The following TRIO variants were observed in gnomAD, a reference collection of about 807,000 sequenced individuals.
The protein encoded by TRIO is triple functional domain protein.
TRIO carries 58 observed loss-of-function variants against 351.9 expected under a neutral mutation model. That is an observed-to-expected ratio of 0.16 (90% confidence interval 0.13 to 0.21). The LOEUF (loss-of-function observed/expected upper bound fraction) is 0.21. TRIO is among the 10% of genes least tolerant of loss of function. The pLI is 1.00. For missense variants in TRIO, 3,201 were observed against 4,027.8 expected (o/e 0.79, Z 5.56); for synonymous variants, 1,758 against 1,595.7 (o/e 1.10, Z -2.42).
intron 1 of TRIO, among the ~76,000 whole-genome samples, chr5:14,241,132 T>C (rs1390660439): frequency 6.6e-6 from 1 of 152,234 alleles, no homozygotes; most frequent in East Asian, 1.9e-4. Flanking sequence ...ACTTTGTTTT[T>C]GGTGAAGACT....
intron 8 of TRIO, among the ~76,000 whole-genome samples, chr5:14,310,749 G>T (rs376058493): frequency 1.3e-5 from 2 of 152,212 alleles, no homozygotes; most frequent in African/African-American, 4.8e-5. Flanking sequence ...GCAGTGGTGC[G>T]ATTTAGGCTC....
intron 1 of TRIO, among the ~76,000 whole-genome samples, chr5:14,259,325 C>A (rs780753161): frequency 3.9e-5 from 6 of 152,022 alleles, no homozygotes; most frequent in Non-Finnish European, 5.9e-5. Context: ...TGAAAAAAAA[C>A]CAAAAACCCA....
intron 15 of TRIO, 77 bp downstream of exon 15, chr5:14,364,893 C>A: frequency 6.7e-7 from 1 of 1,496,362 alleles, no homozygotes. Flanking sequence ...GAAATTCTGA[C>A]CTGTAGCATT....
At chr5:14,184,950 A>G (rs1275871150) in intron 1 of TRIO, among the ~76,000 whole-genome samples, 4 of 152,154 alleles carry the variant, frequency 2.6e-5, no homozygotes, top group African/African-American at 9.7e-5. Flanking sequence ...TTGGAGCAGC[A>G]TACTTGGTGC....
intron 1 of TRIO, among the ~76,000 whole-genome samples, chr5:14,231,914 G>A (rs999317241): frequency 4.0e-5 from 6 of 150,730 alleles, no homozygotes; most frequent in South Asian, 2.1e-4. Flanking sequence ...ACAAATACTC[G>A]TTGGGAATCT....
At chr5:14,471,538 A>C in intron 38 of TRIO, 72 bp downstream of exon 38, 1 of 1,584,306 alleles carries the variant, frequency 6.3e-7, no homozygotes, top group Non-Finnish European at 8.6e-7. Flanking sequence ...CAAAAATGTG[A>C]CTGAGATTCA....
At chr5:14,187,412 AC>A (rs2152144636) in intron 1 of TRIO, among the ~76,000 whole-genome samples, 1 of 152,204 alleles carries the variant, frequency 6.6e-6, no homozygotes, top group East Asian at 1.9e-4. Flanking sequence ...TTTCTGTATT[AC>A]CGAGAAATTG....
chr5:14,459,606 G>A (rs1753617424), intron 34 of TRIO, among the ~76,000 whole-genome samples: 1 of 152,144 alleles, frequency 6.6e-6, no homozygotes, highest in Non-Finnish European at 1.5e-5. Context: ...TGGGTATGGT[G>A]GCAGTCGTCT....
chr5:14,491,775 T>G (rs933013217), intron 48 of TRIO, among the ~76,000 whole-genome samples: 2 of 151,606 alleles, frequency 1.3e-5, no homozygotes, highest in Non-Finnish European at 2.9e-5. Flanking sequence ...GGTATAAGGG[T>G]GGGGGTACGC....
rs1274445806 is a variant in TRIO, at chr5:14,368,731, G to A, written c.2898G>A (p.Gln966=). ...AIEKTHQSAL[Q]VQQKAEAMLQ... is the part of the protein sequence containing the mutation. Reference sequence around the variant, plus strand: ...AGAAAACACATCAGAGCGCGCTGCAGGTGCAGCAGAAGGCAGAAGCCATGC... The same window carrying A: ...AGAAAACACATCAGAGCGCGCTGCAAGTGCAGCAGAAGGCAGAAGCCATGC... Residue 966 remains glutamine, a synonymous_variant, in exon 17 of 57, where the codon CAG becomes CAA. Coordinates refer to ENST00000344204, the MANE Select transcript of TRIO (RefSeq NM_007118.4). The A allele has an allele frequency of 1.2e-5, 19 of 1,613,832 alleles. No homozygotes were observed. Among genetic ancestry groups the A allele is most frequent in the Non-Finnish European group, 1.6e-5 (19 of 1,179,892 alleles).
In TRIO at chr5:14,187,014, G is replaced by A. The variant is rs75638508; in HGVS notation, c.157+43132G>A. Among the ~76,000 whole-genome samples the A allele has an allele frequency of 5.3e-3, 808 of 152,220 alleles. 6 individuals are homozygous for A. The highest frequency in any genetic ancestry group is 0.018 in the African/African-American group (762 of 41,544). ...AGTAATATTTGTGCAAATTAGATAGGGCGTGAGGGCTTGGTAATACCAAGA... is the reference window on the plus strand; with the variant it reads ...AGTAATATTTGTGCAAATTAGATAGAGCGTGAGGGCTTGGTAATACCAAGA... On this transcript the variant is annotated intron_variant, in intron 1 of 56. Coordinates refer to ENST00000344204, the MANE Select transcript of TRIO (RefSeq NM_007118.4).
intron 1 of TRIO, among the ~76,000 whole-genome samples, chr5:14,267,304 C>T (rs751587384): frequency 3.3e-5 from 5 of 152,084 alleles, no homozygotes; most frequent in African/African-American, 7.2e-5. Context: ...ATGTTGCTGA[C>T]GCCTGGTCTT....
At chr5:14,394,187 A>C in intron 28 of TRIO, 57 bp downstream of exon 28, 1 of 1,109,208 alleles carries the variant, frequency 9.0e-7, no homozygotes, top group Non-Finnish European at 1.3e-6. Context: ...TTATTTTGAC[A>C]TTTACTATAT....
At chr5:14,380,346 G>A (rs1745982436) in intron 20 of TRIO, among the ~76,000 whole-genome samples, 3 of 148,636 alleles carry the variant, frequency 2.0e-5, no homozygotes, top group African/African-American at 7.5e-5. Context: ...TTCGCTCCTC[G>A]CTCCTCGCTC....
chr5:14,343,155 A>C (rs1308358323), intron 11 of TRIO, among the ~76,000 whole-genome samples: 1 of 151,364 alleles, frequency 6.6e-6, no homozygotes, highest in Non-Finnish European at 1.5e-5. Flanking sequence ...CAAGCCTCCC[A>C]CAGCGGTAGC....
At chr5:14,228,019 G>C (rs904327968) in intron 1 of TRIO, among the ~76,000 whole-genome samples, 1 of 152,022 alleles carries the variant, frequency 6.6e-6, no homozygotes, top group Non-Finnish European at 1.5e-5. Flanking sequence ...CTGAGCTTTT[G>C]GGGGGATTCA....
At position 14,406,645 on chromosome 5, in the gene TRIO, G is replaced by A. The variant is rs566749158; in HGVS notation, c.4932G>A (p.Thr1644=). ...QPDTISIASR[T]SQNTLDSDKL... ...ATACGATTTCCATCGCCTCACGGAC[G>A]TCTCAGAACACGCTGGACAGCGATA... Residue 1644 remains threonine, a synonymous_variant, in exon 33 of 57, where the codon ACG becomes ACA. Transcript: ENST00000344204. 31 of 1,614,036 alleles carry A rather than the reference G, an allele frequency of 1.9e-5. No individual in the cohort carries two copies. Among genetic ancestry groups the A allele is most frequent in the Admixed American group, 1.3e-4 (8 of 60,024 alleles).
intron 1 of TRIO, among the ~76,000 whole-genome samples, chr5:14,147,340 A>G (rs902277022): frequency 1.3e-5 from 2 of 152,124 alleles, no homozygotes; most frequent in African/African-American, 4.8e-5. Context: ...CGTTGCTTAC[A>G]TTAGTTCTCA....
chr5:14,202,412 G>A (rs1791192932), intron 1 of TRIO, among the ~76,000 whole-genome samples: 1 of 138,840 alleles, frequency 7.2e-6, no homozygotes, highest in Non-Finnish European at 1.5e-5. Flanking sequence ...CCCCAGGGAA[G>A]CCAAAAGATT....
Sources: allele counts gnomAD v4.1 joint callset (sites outside exome capture counted in the v4.1 genomes callset), GRCh38; gene constraint gnomAD v4.1.1; transcripts MANE v1.5; gene names NCBI Gene and HGNC (gene_info 2026-07-23, HGNC 2026-07-21).